The following CYB5R4 variants were observed in gnomAD, a reference collection of about 807,000 sequenced individuals.
CYB5R4 encodes cytochrome b5 reductase 4, also known as N-terminal cytochrome b5 and cytochrome b5 oxidoreductase domain-containing protein.
CYB5R4 carries 55 observed loss-of-function variants against 70.2 expected under a neutral mutation model. That is an observed-to-expected ratio of 0.78 (90% CI 0.63 to 0.98). The LOEUF (loss-of-function observed/expected upper bound fraction) is 0.98, where lower values mean the gene tolerates loss of function less well. CYB5R4 is among the 50% of genes least tolerant of loss of function. The pLI, the probability that CYB5R4 is intolerant of heterozygous loss-of-function variation, is 0.00. For synonymous variants in CYB5R4, 197 were observed against 199.5 expected, an observed-to-expected ratio of 0.99 and a Z score of 0.11; for missense variants, 562 against 612.6, an observed-to-expected ratio of 0.92 and a Z score of 0.87.
At chr6:83,958,477 A>C (rs2099472795) in intron 15 of CYB5R4, among the ~76,000 whole-genome samples, 1 of 152,188 alleles carries the variant, frequency 6.6e-6, no homozygotes, top group South Asian at 2.1e-4. Flanking sequence ...ACTAAAACCT[A>C]CCAGTCAAGA....
At chr6:83,919,780 G>GTA in intron 7 of CYB5R4, among the ~76,000 whole-genome samples, 1 of 148,610 alleles carries the variant, frequency 6.7e-6, no homozygotes, top group Admixed American at 7.1e-5. Flanking sequence ...GTGTGTGTGT[G>GTA]TGTGTGTGTG....
At chr6:83,880,684 C>T (rs188422774) in intron 2 of CYB5R4, among the ~76,000 whole-genome samples, 1 of 152,128 alleles carries the variant, frequency 6.6e-6, no homozygotes, top group East Asian at 1.9e-4. Context: ...GGTCAATTTC[C>T]ATTTAGTTAA....
At chr6:83,921,716 T>TA (rs1477138908) in intron 8 of CYB5R4, among the ~76,000 whole-genome samples, 5 of 152,204 alleles carry the variant, frequency 3.3e-5, no homozygotes, top group African/African-American at 1.2e-4. Context: ...ATACATATTT[T>TA]AAAAAACTAA....
chr6:83,941,534 T>C (rs1442249323), intron 14 of CYB5R4, among the ~76,000 whole-genome samples: 1 of 152,188 alleles, frequency 6.6e-6, no homozygotes, highest in East Asian at 1.9e-4. Context: ...CTTAGAACTT[T>C]GTTAGCTGTC....
At chr6:83,930,674 C>G (rs970123576) in intron 10 of CYB5R4, among the ~76,000 whole-genome samples, 5 of 151,928 alleles carry the variant, frequency 3.3e-5, no homozygotes, top group Non-Finnish European at 5.9e-5. Flanking sequence ...TTCCAAATTC[C>G]TATTAATGTT....
chr6:83,910,678 TCCAGATAAGAAAGGAATCGTAATC>T (rs1364660430), intron 4 of CYB5R4, among the ~76,000 whole-genome samples: 1 of 152,114 alleles, frequency 6.6e-6, no homozygotes, highest in African/African-American at 2.4e-5. Flanking sequence ...TACAGGTGAT[TCCAGATAAGAAAGGAATCGTAATC>T]CCTCTGATGA....
At chr6:83,959,214 T>C (rs1055914809) in intron 15 of CYB5R4, among the ~76,000 whole-genome samples, 1 of 152,144 alleles carries the variant, frequency 6.6e-6, no homozygotes, top group Non-Finnish European at 1.5e-5. Context: ...GATCTATACA[T>C]AGATCATAAT....
chr6:83,911,442 G>T (rs920270713), intron 4 of CYB5R4, among the ~76,000 whole-genome samples: 3 of 152,058 alleles, frequency 2.0e-5, no homozygotes, highest in African/African-American at 7.2e-5. Context: ...TTGTGAGTAA[G>T]ATCCCTGGCA....
chr6:83,892,957 G>A (rs1013426414), intron 2 of CYB5R4, among the ~76,000 whole-genome samples: 6 of 152,128 alleles, frequency 3.9e-5, no homozygotes, highest in African/African-American at 1.4e-4. Flanking sequence ...TGTCTTGAGA[G>A]TAGAGGCACT....
chr6:83,908,495 A>G (rs1238170817), intron 3 of CYB5R4, among the ~76,000 whole-genome samples: 2 of 152,218 alleles, frequency 1.3e-5, no homozygotes, highest in Non-Finnish European at 2.9e-5. Context: ...TAATAAAAAT[A>G]TGTACCCAAG....
chr6:83,875,081 A>C (rs1171793735), intron 2 of CYB5R4, among the ~76,000 whole-genome samples: 1 of 152,086 alleles, frequency 6.6e-6, no homozygotes. Flanking sequence ...TCAGCCTCCC[A>C]AAGTGCTGGG....
At chr6:83,920,990 T>C in intron 7 of CYB5R4, 92 bp from the exon 8 acceptor site, 1 of 923,158 alleles carries the variant, frequency 1.1e-6, no homozygotes, top group East Asian at 3.5e-5. Flanking sequence ...AAGCACCGTA[T>C]GAAGTACCGC....
In CYB5R4 at chr6:83,963,947, C is replaced by A; in HGVS notation, c.*4069C>A. The A allele has an allele frequency of 5.0e-6, 1 of 200,362 alleles. No individual in the cohort carries two copies. The highest frequency in any genetic ancestry group is 9.8e-6 in the Non-Finnish European group (1 of 101,872). The allele number at this position is 200,362 out of a possible 1,614,324, so 12.4% of individuals were successfully genotyped here. A position where few individuals can be genotyped will look rare whatever the true frequency, so the allele number is the denominator to read the frequency against. ...ACCTGGTGGTTTTATCAGGGGTTTC[C>A]GCTTTTGCATCTTACTCATTTTCTC... On this transcript the variant is annotated 3_prime_UTR_variant, in exon 16 of 16. Coordinates refer to ENST00000369681, the MANE Select transcript of CYB5R4 (RefSeq NM_016230.4).
Position 83,940,224 on chromosome 6 carries a change from T to C in CYB5R4, c.1259+18T>C. The C allele has an allele frequency of 6.3e-7, 1 of 1,586,864 alleles. No individual in the cohort carries two copies. Among genetic ancestry groups the C allele is most frequent in the Non-Finnish European group, 8.6e-7 (1 of 1,166,916 alleles). On this transcript the variant is annotated intron_variant, in intron 13 of 15. Transcript: ENST00000369681. ...AGTCTCAGGTATGTAATTTTGTCTC[T>C]AATTACGATCCTTTTTGAGGCTGTT...
chr6:83,947,377 C>T (rs2099470786), intron 14 of CYB5R4, among the ~76,000 whole-genome samples: 2 of 152,142 alleles, frequency 1.3e-5, no homozygotes. Context: ...AAACTGGACC[C>T]TTCCTTACAC....
chr6:83,942,774 G>A (rs969658307), intron 14 of CYB5R4, among the ~76,000 whole-genome samples: 4 of 151,850 alleles, frequency 2.6e-5, no homozygotes, highest in African/African-American at 9.7e-5. Context: ...TGAGCCTGGT[G>A]GGGGGAGGGG....
chr6:83,952,675 T>C (rs1302218146), intron 14 of CYB5R4, among the ~76,000 whole-genome samples: 1 of 152,190 alleles, frequency 6.6e-6, no homozygotes, highest in Non-Finnish European at 1.5e-5. Context: ...TTAATAGTTA[T>C]CATTTCTGAT....
Position 83,961,975 on chromosome 6 carries a change from T to C in CYB5R4, c.*2097T>C, listed in dbSNP as rs2099473420. ...TTATATTTTAAAACAAATCCATAAG[T>C]GTCTCCTGGGTAATCTCCACTGACA... On this transcript the variant is annotated 3_prime_UTR_variant, in exon 16 of 16. Coordinates refer to ENST00000369681, the MANE Select transcript of CYB5R4 (RefSeq NM_016230.4). 6.6e-6 allele frequency: 1 copy of C among 152,130 alleles called. No individual in the cohort carries two copies. The highest frequency in any genetic ancestry group is 2.1e-4 in the South Asian group (1 of 4,824). The allele number at this position is 152,130 out of a possible 1,614,324, so 9.4% of individuals were successfully genotyped here. A position where few individuals can be genotyped will look rare whatever the true frequency, so the allele number is the denominator to read the frequency against.
intron 12 of CYB5R4, among the ~76,000 whole-genome samples, chr6:83,937,229 C>T (rs548942528): frequency 5.4e-4 from 82 of 151,978 alleles, no homozygotes; most frequent in African/African-American, 1.7e-3. Context: ...GAGCCGAGAT[C>T]GTGCCACTGT....
Sources: allele counts gnomAD v4.1 joint callset (sites outside exome capture counted in the v4.1 genomes callset), GRCh38; gene constraint gnomAD v4.1.1; transcripts MANE v1.5; gene names NCBI Gene and HGNC (gene_info 2026-07-23, HGNC 2026-07-21).